Variants in CCDC178 observed in about 807,000 individuals in gnomAD.
The protein encoded by CCDC178 is coiled-coil domain containing 178, also known as coiled-coil domain-containing protein 178.
A neutral mutation model predicts 117.4 loss-of-function variants in CCDC178; 126 were observed. That is an observed-to-expected ratio of 1.07 (90% CI 0.93 to 1.24). CCDC178 has a LOEUF of 1.24. Among genes scored for constraint, CCDC178 ranks in the 50% most tolerant of loss-of-function variants. The pLI is 0.00. For missense variants in CCDC178, 1,030 were observed against 986.9 expected, an observed-to-expected ratio of 1.04 and a Z score of -0.59; for synonymous variants, 283 against 313.4, an observed-to-expected ratio of 0.90 and a Z score of 1.02.
chr18:33,359,395 TAGTC>T (rs778184113), intron 6 of CCDC178, among the ~76,000 whole-genome samples: 1 of 151,704 alleles, frequency 6.6e-6, no homozygotes, highest in Non-Finnish European at 1.5e-5. Flanking sequence ...AAAATTACTT[TAGTC>T]AGTCTTTGAT....
intron 20 of CCDC178, among the ~76,000 whole-genome samples, chr18:33,190,041 C>G (rs113412014): frequency 6.6e-6 from 1 of 152,090 alleles, no homozygotes; most frequent in Admixed American, 6.6e-5. Context: ...CCTAGACTAC[C>G]AACCAGTGCT....
intron 21 of CCDC178, among the ~76,000 whole-genome samples, chr18:33,014,922 T>C (rs2055949244): frequency 6.6e-6 from 1 of 152,162 alleles, no homozygotes; most frequent in African/African-American, 2.4e-5. Flanking sequence ...TTGAAATGTC[T>C]AGTTTTGAGC....
intron 12 of CCDC178, among the ~76,000 whole-genome samples, chr18:33,279,490 G>A (rs372255994): frequency 2.0e-5 from 3 of 152,128 alleles, no homozygotes; most frequent in African/African-American, 4.8e-5. Context: ...ATGCTCATGG[G>A]TAGGAAGAAT....
At chr18:32,975,607 T>C (rs752161939) in intron 21 of CCDC178, among the ~76,000 whole-genome samples, 23 of 152,114 alleles carry the variant, frequency 1.5e-4, no homozygotes, top group Non-Finnish European at 2.5e-4. Flanking sequence ...GCTTATATTA[T>C]ATATTTATAA....
intron 20 of CCDC178, among the ~76,000 whole-genome samples, chr18:33,207,760 T>C (rs1303121634): frequency 6.6e-6 from 1 of 152,056 alleles, no homozygotes; most frequent in Non-Finnish European, 1.5e-5. Context: ...TTTAATATAG[T>C]ATTAGCAGTA....
chr18:33,347,450 T>C (rs1390841931), intron 8 of CCDC178, among the ~76,000 whole-genome samples: 2 of 152,192 alleles, frequency 1.3e-5, no homozygotes, highest in African/African-American at 4.8e-5. Context: ...TCAGAAGCAT[T>C]CTTATAAAAC....
At chr18:33,066,112 C>T (rs1468138278) in intron 21 of CCDC178, among the ~76,000 whole-genome samples, 5 of 151,980 alleles carry the variant, frequency 3.3e-5, no homozygotes, top group East Asian at 3.9e-4. Flanking sequence ...CCACCCGCCT[C>T]GGCCTCCCAA....
chr18:33,247,093 T>TGAGAGAGA (rs1555670794), intron 14 of CCDC178, among the ~76,000 whole-genome samples: 1 of 148,104 alleles, frequency 6.8e-6, no homozygotes, highest in African/African-American at 2.5e-5. Context: ...TGTGTGTGTG[T>TGAGAGAGA]GAGAGAGAGA....
At chr18:33,057,915 T>A (rs939761792) in intron 21 of CCDC178, among the ~76,000 whole-genome samples, 6 of 152,148 alleles carry the variant, frequency 3.9e-5, no homozygotes, top group African/African-American at 1.4e-4. Context: ...TTGTCAATAG[T>A]CATTAGGGAA....
rs2059029338 is a variant in CCDC178 at position 33,204,715 on chromosome 18, T to C, written c.2238+7181A>G. On this transcript the variant is annotated intron_variant, in intron 20 of 22. Coordinates refer to ENST00000383096, the MANE Select transcript of CCDC178 (RefSeq NM_001105528.4). ...TGATCAACTAAGAGATGTATTGATATTAAAATCACTGAAGTGGGAGAGGTT... is the reference window on the plus strand; with the variant it reads ...TGATCAACTAAGAGATGTATTGATACTAAAATCACTGAAGTGGGAGAGGTT... Among the ~76,000 whole-genome samples, 3 of 152,144 alleles carry C rather than the reference T, an allele frequency of 2.0e-5. No homozygotes were observed. In the South Asian group the frequency reaches 6.2e-4, roughly 31 times the overall value.
intron 20 of CCDC178, among the ~76,000 whole-genome samples, chr18:33,117,492 C>T (rs1433888460): frequency 2.0e-5 from 3 of 151,966 alleles, no homozygotes; most frequent in Admixed American, 6.6e-5. Context: ...AGTCAGCTAC[C>T]TGGTTGCAGG....
At chr18:33,127,865 T>C (rs1445713208) in intron 20 of CCDC178, among the ~76,000 whole-genome samples, 2 of 152,076 alleles carry the variant, frequency 1.3e-5, no homozygotes, top group Non-Finnish European at 2.9e-5. Context: ...TGAACTACCC[T>C]CCAGTCACCC....
chr18:33,187,366 T>C (rs1440256455), intron 20 of CCDC178, among the ~76,000 whole-genome samples: 1 of 152,052 alleles, frequency 6.6e-6, no homozygotes. Context: ...TGTAGCCTCT[T>C]TTTGCAATAG....
At chr18:33,147,514 C>A (rs533513180) in intron 20 of CCDC178, among the ~76,000 whole-genome samples, 3 of 151,478 alleles carry the variant, frequency 2.0e-5, no homozygotes, top group Middle Eastern at 3.2e-3. Context: ...GAGGACCCTG[C>A]GGCCTTCCAC....
chr18:33,226,840 G>T lies in CCDC178; in HGVS notation c.1609C>A (p.Leu537Met). 6.3e-7 allele frequency: 1 copy of T among 1,596,008 alleles called. No homozygotes were observed. Among genetic ancestry groups the T allele is most frequent in the Non-Finnish European group, 8.6e-7 (1 of 1,168,022 alleles). ...RRKFKGREEF[L>M]KKLTQGEVAA... ...ACTTCACCTTGAGTGAGTTTTTTCA[G>T]GAATTCTTCTCTACCCTATATGTTA... is the stretch of plus-strand genomic sequence containing the variant. The change falls in exon 16 of 23, where the codon CTG becomes ATG. Residue 537 changes from leucine (L) to methionine (M), a missense_variant. Coordinates refer to ENST00000383096, the MANE Select transcript of CCDC178 (RefSeq NM_001105528.4).
At chr18:32,989,761 G>A (rs2055348351) in intron 21 of CCDC178, among the ~76,000 whole-genome samples, 1 of 152,116 alleles carries the variant, frequency 6.6e-6, no homozygotes. Context: ...CCAGTGAGCT[G>A]TAGTTATACA....
intron 7 of CCDC178, among the ~76,000 whole-genome samples, chr18:33,349,796 TATA>T (rs1490720768): frequency 9.2e-5 from 14 of 151,876 alleles, no homozygotes; most frequent in African/African-American, 3.4e-4. Context: ...TAAAAAATAA[TATA>T]ATCCATATTT....
intron 22 of CCDC178, among the ~76,000 whole-genome samples, chr18:32,949,629 A>G (rs989562288): frequency 6.6e-6 from 1 of 152,074 alleles, no homozygotes; most frequent in African/African-American, 2.4e-5. Context: ...TTATAAACAT[A>G]TGGGATACTG....
intron 9 of CCDC178, among the ~76,000 whole-genome samples, chr18:33,344,427 C>G (rs549086287): frequency 4.6e-4 from 69 of 151,410 alleles, no homozygotes; most frequent in Non-Finnish European, 8.7e-4. Flanking sequence ...CTAAGTAGAT[C>G]TTGTATTGAT....
Sources: allele counts gnomAD v4.1 joint callset (sites outside exome capture counted in the v4.1 genomes callset), GRCh38; gene constraint gnomAD v4.1.1; transcripts MANE v1.5; gene names NCBI Gene and HGNC (gene_info 2026-07-23, HGNC 2026-07-21).